Variants in PROX1 observed in about 807,000 individuals in gnomAD.
PROX1 encodes prospero homeobox protein 1.
A neutral mutation model predicts 58.8 loss-of-function variants in PROX1; 7 were observed. The observed-to-expected ratio is 0.12, with a 90% CI of 0.07 to 0.22. PROX1 has a LOEUF of 0.22. PROX1 is among the 10% of genes least tolerant of loss of function. PROX1 has a pLI of 1.00. For missense variants in PROX1, 675 were observed against 927.8 expected (o/e 0.73, Z 3.54); for synonymous variants, 350 against 358.3 (o/e 0.98, Z 0.26).
intron 4 of PROX1, among the ~76,000 whole-genome samples, chr1:214,014,556 A>G (rs1664027451): frequency 6.6e-6 from 1 of 152,212 alleles, no homozygotes; most frequent in South Asian, 2.1e-4. Flanking sequence ...TTGACTGTTT[A>G]CTAATGACCT....
chr1:214,018,476 C>T (rs1338552786), intron 4 of PROX1, among the ~76,000 whole-genome samples: 1 of 152,138 alleles, frequency 6.6e-6, no homozygotes, highest in East Asian at 1.9e-4. Flanking sequence ...TTCCTGCACC[C>T]CCCAATTTTT....
At chr1:214,002,412 C>CTTTTTTTTTTTTTTTTTT (rs774337530) in intron 2 of PROX1, among the ~76,000 whole-genome samples, 8 of 116,374 alleles carry the variant, frequency 6.9e-5, no homozygotes, top group African/African-American at 1.0e-4. Context: ...TTTCTTTTTT[C>CTTTTTTTTTTTTTTTTTT]TTTTTTTTTT....
At chr1:213,991,117 C>A (rs1228438100) in intron 1 of PROX1, among the ~76,000 whole-genome samples, 1 of 152,076 alleles carries the variant, frequency 6.6e-6, no homozygotes, top group Non-Finnish European at 1.5e-5. Context: ...ATTAACTTGT[C>A]CATGGGTTAA....
Position 213,997,698 on chromosome 1 carries a change from T to A in PROX1, c.1163T>A (p.Ile388Asn). The change falls in exon 2 of 5, where the codon ATC (isoleucine) becomes AAC (asparagine). Residue 388 changes from isoleucine to asparagine, a missense_variant. By Grantham distance (149) the Ile-to-Asn change is moderately radical. Transcript: ENST00000366958. This position sits in a 1 kb window ranked among gnomAD's most constrained non-coding sequence, Gnocchi z 7.1. ...CCTCAGGTCTTCCCACCTCTCCAGA[T>A]CCCCCAGGCCAGATTTGCAGTCAAT... is the stretch of plus-strand genomic sequence containing the variant. ...QVPQVFPPLQIPQARFAVNGE... is the reference protein window; with the variant it reads ...QVPQVFPPLQNPQARFAVNGE... 3 of 1,613,954 alleles carry A rather than the reference T, an allele frequency of 1.9e-6. No homozygotes were observed. Among genetic ancestry groups the A allele is most frequent in the Non-Finnish European group, 2.5e-6 (3 of 1,179,948 alleles).
upstream of PROX1, among the ~76,000 whole-genome samples, chr1:213,986,684 A>G (rs750545178): frequency 2.9e-4 from 44 of 152,226 alleles, no homozygotes; most frequent in Non-Finnish European, 1.3e-4. Flanking sequence ...ATGAGTGTCT[A>G]ATAGACTATG....
intron 4 of PROX1, 54 bp from the exon 5 acceptor site, chr1:214,035,595 T>C (rs763142519): frequency 8.7e-5 from 134 of 1,538,436 alleles, no homozygotes; most frequent in Non-Finnish European, 1.2e-4. Flanking sequence ...TTGGAATAAC[T>C]GTAGACTTGA....
intron 2 of PROX1, among the ~76,000 whole-genome samples, chr1:214,001,557 T>G (rs1448427791): frequency 6.6e-6 from 1 of 152,204 alleles, no homozygotes; most frequent in South Asian, 2.1e-4. Flanking sequence ...GTGAAGAAAT[T>G]GAGCCTGTTC....
intron 4 of PROX1, chr1:214,030,405 G>C (rs1387747418): frequency 6.6e-6 from 1 of 152,162 alleles, no homozygotes; most frequent in African/African-American, 2.4e-5. Context: ...TGATAGGCTT[G>C]ATAGGCCATT....
intron 1 of PROX1, among the ~76,000 whole-genome samples, chr1:213,995,572 G>GA (rs1174328135): frequency 7.9e-5 from 12 of 151,912 alleles, no homozygotes; most frequent in Admixed American, 7.2e-4. Flanking sequence ...TAAACAGAAG[G>GA]AAACTAGTCC....
intron 3 of PROX1, among the ~76,000 whole-genome samples, chr1:214,005,559 G>T (rs1663678934): frequency 6.6e-6 from 1 of 152,198 alleles, no homozygotes; most frequent in Non-Finnish European, 1.5e-5. Flanking sequence ...AGAAATTTCA[G>T]CTGGTAATGG....
intron 2 of PROX1, among the ~76,000 whole-genome samples, chr1:214,000,067 GACAC>G (rs1007724389): frequency 2.2e-4 from 31 of 138,454 alleles, no homozygotes; most frequent in Non-Finnish European, 3.9e-4. Flanking sequence ...CACACACACA[GACAC>G]ACACACACAG....
chr1:213,997,221 A>ATTC lies in PROX1; in HGVS notation c.686_687insTTC (p.Lys229delinsAsnSer). On this transcript the variant is annotated protein_altering_variant, in exon 2 of 5. Transcript: ENST00000366958. The surrounding 1 kb of genome is among the most constrained non-coding windows in gnomAD (Gnocchi z 7.1). ...TTCCAGCAGCTGGTTTCAGCCCGAA[A>ATTC]AGAACAGAAGCGAGAGGAGCGCCGA... The ATTC allele has an allele frequency of 1.9e-6, 3 of 1,612,310 alleles. No homozygotes were observed. Among genetic ancestry groups the ATTC allele is most frequent in the Non-Finnish European group, 2.5e-6 (3 of 1,179,454 alleles).
rs1485653966 is a variant in PROX1, at chr1:214,040,917, TATG to T, written c.*5086_*5088del. On this transcript the variant is annotated 3_prime_UTR_variant, in exon 5 of 5. Coordinates refer to ENST00000366958, the MANE Select transcript of PROX1 (RefSeq NM_001270616.2). ...AAGGATGTACTGTAATATTAATTGA[TATG>T]ATAAACACAATGAGACTCCCTGTCC... 1.3e-5 allele frequency: 2 copies of T among 152,072 alleles called. No individual in the cohort carries two copies. The highest frequency in any genetic ancestry group is 4.8e-5 in the African/African-American group (2 of 41,424). The allele number at this position is 152,072 out of a possible 1,614,324, so 9.4% of individuals were successfully genotyped here. A position where few individuals can be genotyped will look rare whatever the true frequency, so the allele number is the denominator to read the frequency against.
rs543030270 is a variant in PROX1, at chr1:214,036,539, T to C, written c.*705T>C. The C allele has an allele frequency of 6.6e-5, 10 of 152,198 alleles. No individual in the cohort carries two copies. The highest frequency in any genetic ancestry group is 3.3e-4 in the Admixed American group (5 of 15,282). 9.4% of individuals were successfully genotyped at this position (152,198 alleles called of 1,614,324 possible). A position where few individuals can be genotyped will look rare whatever the true frequency, so the allele number is the denominator to read the frequency against. ...AAAACCAGCTCTCTCAAGATGAGAC[T>C]AGAAATTCATACCTGGTCTTGTAGC... On this transcript the variant is annotated 3_prime_UTR_variant, in exon 5 of 5. Transcript: ENST00000366958.
intron 1 of PROX1, among the ~76,000 whole-genome samples, chr1:213,995,335 T>A (rs968386198): frequency 7.9e-5 from 12 of 152,236 alleles, no homozygotes; most frequent in Non-Finnish European, 5.9e-5. Context: ...CAAAGAAGGA[T>A]GTTCTCTTTT....
chr1:214,023,506 A>G (rs11120239), intron 4 of PROX1, among the ~76,000 whole-genome samples: 14,232 of 152,096 alleles, frequency 0.094, 1,622 homozygotes, highest in African/African-American at 0.27. Flanking sequence ...ACAGGTGTGC[A>G]TCACTATGCC....
rs1387477011 is a variant in PROX1, at chr1:214,040,326, A to C, written c.*4492A>C. ...AGAATGTGGAAGTGTCTGGACTTTG[A>C]GTCTTTTCAACTGAGCCTTCTCTCA... On this transcript the variant is annotated 3_prime_UTR_variant, in exon 5 of 5. Coordinates refer to ENST00000366958, the MANE Select transcript of PROX1 (RefSeq NM_001270616.2). 3 of 152,192 alleles carry C rather than the reference A, an allele frequency of 2.0e-5. No individual in the cohort carries two copies. The highest frequency in any genetic ancestry group is 1.3e-4 in the Admixed American group (2 of 15,278). The allele number at this position is 152,192 out of a possible 1,614,324, so 9.4% of individuals were successfully genotyped here. A position where few individuals can be genotyped will look rare whatever the true frequency, so the allele number is the denominator to read the frequency against.
Position 214,016,119 on chromosome 1 carries a change from G to A in PROX1, c.2028+4404G>A, listed in dbSNP as rs577209366. ...CATTTTTCTGGGTGACACATGACAG[G>A]GAAGAAGGGTACTTCCGCACACCTT... On this transcript the variant is annotated intron_variant, in intron 4 of 4. Coordinates refer to ENST00000366958, the MANE Select transcript of PROX1 (RefSeq NM_001270616.2). Among the ~76,000 whole-genome samples the A allele has an allele frequency of 2.1e-4, 32 of 152,134 alleles. 1 individual carries two copies. The highest frequency in any genetic ancestry group is 7.0e-4 in the African/African-American group (29 of 41,494).
Position 213,999,632 on chromosome 1 carries a change from A to ATCT in PROX1, c.1725+1372_1725+1373insTCT, listed in dbSNP as rs1663420554. On this transcript the variant is annotated intron_variant, in intron 2 of 4. Coordinates refer to ENST00000366958, the MANE Select transcript of PROX1 (RefSeq NM_001270616.2). ...CATGGAGTCTCTCTTATACTGAGCAAGAGAAGAACATTGTAACAGAAAGGG... is the reference window on the plus strand; with the variant it reads ...CATGGAGTCTCTCTTATACTGAGCAATCTGAGAAGAACATTGTAACAGAAAGGG... 2.6e-5 allele frequency among the ~76,000 whole-genome samples: 4 copies of ATCT among 152,320 alleles called. No individual in the cohort carries two copies. In the South Asian group the frequency reaches 8.3e-4, roughly 32 times the overall value.
Sources: allele counts gnomAD v4.1 joint callset (sites outside exome capture counted in the v4.1 genomes callset), GRCh38; gene constraint gnomAD v4.1.1; non-coding constraint Gnocchi (gnomAD v3.1); transcripts MANE v1.5; gene names NCBI Gene and HGNC (gene_info 2026-07-23, HGNC 2026-07-21).